Variants in KIF1B observed in about 807,000 individuals in gnomAD.
The protein encoded by KIF1B is kinesin family member 1B, also known as kinesin-like protein KIF1B.
KIF1B carries 76 observed loss-of-function variants against 241.9 expected under a neutral mutation model. The ratio of observed to expected loss-of-function variants is 0.31; its 90% CI spans 0.26 to 0.38. KIF1B has a LOEUF of 0.38. KIF1B is among the 10% of genes least tolerant of loss of function. The pLI, the probability that KIF1B is intolerant of heterozygous loss-of-function variation, is 1.00. For missense variants in KIF1B, 1,622 were observed against 2,271.4 expected (o/e 0.71, Z 5.81); for synonymous variants, 750 against 796.7 (o/e 0.94, Z 0.99).
rs1638916820 is a variant in KIF1B at position 10,377,353 on chromosome 1, G to A, written c.*766G>A. ...TGGCTGCTCTTGACTTTGTGTGAAGGGAAATGCCAAGGATGCTTCTGGTGG... is the reference window on the plus strand; with the variant it reads ...TGGCTGCTCTTGACTTTGTGTGAAGAGAAATGCCAAGGATGCTTCTGGTGG... On this transcript the variant is annotated 3_prime_UTR_variant, in exon 49 of 49. Transcript: ENST00000676179. 1 of 228,044 alleles carries A rather than the reference G, an allele frequency of 4.4e-6. No homozygotes were observed. The highest frequency in any genetic ancestry group is 8.7e-6 in the Non-Finnish European group (1 of 114,748). The allele number at this position is 228,044 out of a possible 1,614,324, so 14.1% of individuals were successfully genotyped here.
rs1165958886 is a variant in KIF1B, at chr1:10,380,422, T to G, written c.*3835T>G. On this transcript the variant is annotated 3_prime_UTR_variant, in exon 49 of 49. Coordinates refer to ENST00000676179, the MANE Select transcript of KIF1B (RefSeq NM_001365951.3). ...ATTGTTAACCTGCCTCTTGAAAGAT[T>G]CAACCGGGTGTGGTGGCTCACGCCT... The G allele has an allele frequency of 5.3e-6, 1 of 189,910 alleles. No individual in the cohort carries two copies. Among genetic ancestry groups the G allele is most frequent in the Non-Finnish European group, 1.1e-5 (1 of 90,202 alleles). The allele number at this position is 189,910 out of a possible 1,614,324, so 11.8% of individuals were successfully genotyped here. A position where few individuals can be genotyped will look rare whatever the true frequency, so the allele number is the denominator to read the frequency against.
Position 10,371,945 on chromosome 1 carries a change from T to TAAAA in KIF1B, c.4946+688_4946+691dup, listed in dbSNP as rs1010944790. Among the ~76,000 whole-genome samples, 4 of 151,506 alleles carry TAAAA rather than the reference T, an allele frequency of 2.6e-5. No homozygotes were observed. The East Asian group carries it at 7.8e-4, about 29-fold the overall frequency. ...AGCAAGACCCTGTCCCTAAAAAAAA[T>TAAAA]AAAAAAAAGACAAATGTAGTCTAGA... On this transcript the variant is annotated intron_variant, in intron 45 of 48. Transcript: ENST00000676179.
chr1:10,235,236 C>T (rs1315852705), intron 2 of KIF1B, among the ~76,000 whole-genome samples: 6 of 151,918 alleles, frequency 3.9e-5, no homozygotes, highest in South Asian at 2.1e-4. Flanking sequence ...TGTTAATTAC[C>T]GTAACAAAGG....
chr1:10,319,287 A>T (rs996221132), intron 22 of KIF1B, among the ~76,000 whole-genome samples: 2 of 152,028 alleles, frequency 1.3e-5, no homozygotes, highest in African/African-American at 4.8e-5. Flanking sequence ...TTTTTAGTAG[A>T]GACAGGGTTT....
At chr1:10,328,784 T>A (rs774618120) in intron 27 of KIF1B, among the ~76,000 whole-genome samples, 2 of 152,256 alleles carry the variant, frequency 1.3e-5, no homozygotes, top group Non-Finnish European at 2.9e-5. Flanking sequence ...CCTTGGGTCC[T>A]AGGCCATCTC....
At position 10,223,028 on chromosome 1, in the gene KIF1B, C is replaced by T. The variant is rs371847798; in HGVS notation, c.-79-9222C>T. 2.8e-4 allele frequency among the ~76,000 whole-genome samples: 43 copies of T among 152,078 alleles called. 1 individual carries two copies. The highest frequency in any genetic ancestry group is 1.9e-3 in the East Asian group (10 of 5,192). On this transcript the variant is annotated intron_variant, in intron 1 of 48. Coordinates refer to ENST00000676179, the MANE Select transcript of KIF1B (RefSeq NM_001365951.3). ...CAGCACTTTGGGAGGCCGAGGCAGG[C>T]GGGTCACGAGGTCAGGAGTTCAAGA... is the stretch of plus-strand genomic sequence containing the variant.
At chr1:10,259,173 C>T (rs1413593564) in intron 4 of KIF1B, among the ~76,000 whole-genome samples, 1 of 142,840 alleles carries the variant, frequency 7.0e-6, no homozygotes. Flanking sequence ...TTTTTTAGAA[C>T]AGTTAGTATT....
intron 2 of KIF1B, among the ~76,000 whole-genome samples, chr1:10,243,547 G>A (rs1265108870): frequency 2.6e-5 from 4 of 152,108 alleles, no homozygotes; most frequent in Non-Finnish European, 5.9e-5. Flanking sequence ...TAATTATATG[G>A]CAGGTACTCT....
At chr1:10,301,715 G>C (rs890112394) in intron 22 of KIF1B, among the ~76,000 whole-genome samples, 20 of 152,028 alleles carry the variant, frequency 1.3e-4, no homozygotes, top group Non-Finnish European at 2.5e-4. Flanking sequence ...CTACTTCATA[G>C]GCAGAGCAGC....
rs555859250 is a variant in KIF1B at position 10,335,456 on chromosome 1, T to C, written c.3043+818T>C. On this transcript the variant is annotated intron_variant, in intron 28 of 48. Coordinates refer to ENST00000676179, the MANE Select transcript of KIF1B (RefSeq NM_001365951.3). ...TTAGTAGAAACGAAGTTTCACCATT[T>C]TGGCCAGGCTGGTCTGAAACTCCTG... Among the ~76,000 whole-genome samples, 5 of 152,296 alleles carry C rather than the reference T, an allele frequency of 3.3e-5. No individual in the cohort carries two copies. The South Asian group carries it at 6.2e-4, about 19-fold the overall frequency.
chr1:10,293,522 A>C (rs1450294763), intron 17 of KIF1B, among the ~76,000 whole-genome samples: 2 of 151,510 alleles, frequency 1.3e-5, no homozygotes, highest in East Asian at 1.9e-4. Flanking sequence ...CAGCCTCCCA[A>C]GTAGCTGGAC....
intron 22 of KIF1B, chr1:10,304,533 C>A: frequency 6.2e-7 from 1 of 1,613,968 alleles, no homozygotes; most frequent in South Asian, 1.1e-5. Flanking sequence ...CAGCCACTTC[C>A]TATCAGAAGC....
In KIF1B at chr1:10,303,993, G is replaced by A; in HGVS notation, c.2115+6747G>A. On this transcript the variant is annotated intron_variant, in intron 22 of 48. Transcript: ENST00000676179. The surrounding 1 kb of genome is among the most constrained non-coding windows in gnomAD (Gnocchi z 5.2). ...GGTTTAAGAACTTGCAACAGCAGGA[G>A]ATAACAAAGCAGCTTCGTCGGCAGA... The A allele has an allele frequency of 6.2e-7, 1 of 1,610,316 alleles. No individual in the cohort carries two copies. Among genetic ancestry groups the A allele is most frequent in the Non-Finnish European group, 8.5e-7 (1 of 1,177,956 alleles).
At chr1:10,371,555 A>G (rs770773990) in intron 45 of KIF1B, among the ~76,000 whole-genome samples, 1 of 152,204 alleles carries the variant, frequency 6.6e-6, no homozygotes, top group African/African-American at 2.4e-5. Flanking sequence ...CCCCAGTCAT[A>G]ATACCAGACA....
chr1:10,256,319 C>G lies in KIF1B; in HGVS notation c.179C>G (p.Thr60Ser). 1 of 1,602,832 alleles carries G rather than the reference C, an allele frequency of 6.2e-7. No individual in the cohort carries two copies. The highest frequency in any genetic ancestry group is 8.5e-7 in the Non-Finnish European group (1 of 1,169,750). Residue 60 changes from threonine to serine, a missense_variant, in exon 3 of 49, where the codon ACC (threonine) becomes AGC (serine). Thr to Ser is a moderately conservative substitution (Grantham distance 58, BLOSUM62 1). Coordinates refer to ENST00000676179, the MANE Select transcript of KIF1B (RefSeq NM_001365951.3). Reference protein sequence around the residue: ...FSFDYSYWSHTSPEDPCFASQ... With the variant: ...FSFDYSYWSHSSPEDPCFASQ... ...TTCGACTATTCCTACTGGTCTCATA[C>G]CTCAGTGAGTACCCTCATGCCACAG...
intron 1 of KIF1B, among the ~76,000 whole-genome samples, chr1:10,220,878 G>A (rs1434931758): frequency 6.6e-6 from 1 of 152,014 alleles, no homozygotes; most frequent in African/African-American, 2.4e-5. Context: ...GGCCAGGCTG[G>A]TCTTGAACTC....
At chr1:10,298,582 A>G (rs1650381210) in intron 22 of KIF1B, among the ~76,000 whole-genome samples, 2 of 152,198 alleles carry the variant, frequency 1.3e-5, no homozygotes, top group Admixed American at 1.3e-4. Context: ...ACTAGCTACA[A>G]TGTGATTAGT....
intron 35 of KIF1B, 74 bp from the exon 36 acceptor site, chr1:10,347,687 A>ACAAAGAC: frequency 7.9e-7 from 1 of 1,271,848 alleles, no homozygotes; most frequent in Non-Finnish European, 1.1e-6. Flanking sequence ...ATTTATCAAA[A>ACAAAGAC]CAAAGACCAC....
chr1:10,371,995 G>A (rs571152071), intron 45 of KIF1B, among the ~76,000 whole-genome samples: 4 of 152,168 alleles, frequency 2.6e-5, no homozygotes, highest in Admixed American at 6.5e-5. Context: ...ATCATAATCC[G>A]TTCTTTGCAA....
Sources: gnomAD v4.1 joint callset for allele counts (sites outside exome capture counted in the v4.1 genomes callset) on GRCh38, gnomAD v4.1.1 for gene constraint, Gnocchi (gnomAD v3.1) non-coding constraint, MANE v1.5 for transcripts, NCBI Gene and HGNC (gene_info 2026-07-23, HGNC 2026-07-21) for gene names.